Variants in EPHB1 observed in about 807,000 individuals in gnomAD.
EPHB1 encodes EPH receptor B1, also known as ephrin type-B receptor 1.
In EPHB1, 30 loss-of-function variants were observed where a neutral mutation model predicts 94.4. The observed-to-expected ratio is 0.32, with a 90% CI of 0.24 to 0.43. EPHB1 has a LOEUF of 0.43. Among genes scored for constraint, EPHB1 ranks in the 20% least tolerant of loss-of-function variants. The probability of loss-of-function intolerance (pLI) is 1.00; values close to 1 mark genes in which losing one functional copy is unlikely to be tolerated. For synonymous variants in EPHB1, 522 were observed against 489.1 expected, an observed-to-expected ratio of 1.07 and a Z score of -0.89; for missense variants, 1,055 against 1,308.3, an observed-to-expected ratio of 0.81 and a Z score of 2.99.
intron 3 of EPHB1, among the ~76,000 whole-genome samples, chr3:135,025,283 C>T (rs1201258810): frequency 7.6e-6 from 1 of 132,200 alleles, no homozygotes; most frequent in Admixed American, 8.3e-5. Context: ...CATACGTATA[C>T]ATGTGCCATG....
intron 5 of EPHB1, among the ~76,000 whole-genome samples, chr3:135,137,038 T>C (rs1310019995): frequency 6.6e-6 from 1 of 152,198 alleles, no homozygotes; most frequent in Non-Finnish European, 1.5e-5. Flanking sequence ...ATTAAGTGAA[T>C]GACAAACTTT....
At chr3:135,232,823 CAT>C (rs1943564408) in intron 12 of EPHB1, among the ~76,000 whole-genome samples, 1 of 152,104 alleles carries the variant, frequency 6.6e-6, no homozygotes, top group Non-Finnish European at 1.5e-5. Context: ...GGGAAGCAAA[CAT>C]GTCTTTCTTC....
At chr3:135,181,681 C>G (rs1009755161) in intron 10 of EPHB1, among the ~76,000 whole-genome samples, 1 of 152,110 alleles carries the variant, frequency 6.6e-6, no homozygotes, top group Non-Finnish European at 1.5e-5. Context: ...GCCCCACCCC[C>G]ACCTGCTTTT....
At chr3:134,813,751 A>AT in intron 1 of EPHB1, among the ~76,000 whole-genome samples, 1 of 152,198 alleles carries the variant, frequency 6.6e-6, no homozygotes, top group Non-Finnish European at 1.5e-5. Context: ...ACTGGGGATG[A>AT]TGTAGGCACT....
chr3:134,890,940 G>A (rs909685823), intron 1 of EPHB1, among the ~76,000 whole-genome samples: 1 of 152,024 alleles, frequency 6.6e-6, no homozygotes, highest in Non-Finnish European at 1.5e-5. Context: ...AAGACAGATT[G>A]CCAGTTAATT....
intron 1 of EPHB1, among the ~76,000 whole-genome samples, chr3:134,848,310 T>C (rs1231112471): frequency 6.6e-6 from 1 of 152,188 alleles, no homozygotes; most frequent in Non-Finnish European, 1.5e-5. Context: ...CCATGAAGCA[T>C]TGCTAAAAAA....
intron 3 of EPHB1, among the ~76,000 whole-genome samples, chr3:135,035,748 A>G (rs1257420087): frequency 1.3e-5 from 2 of 152,194 alleles, no homozygotes; most frequent in Non-Finnish European, 2.9e-5. Context: ...CACTGCACAT[A>G]TACTTGCATG....
Position 135,259,328 on chromosome 3 carries a change from A to AAT in EPHB1, c.*214_*215dup. The AAT allele has an allele frequency of 2.5e-6, 1 of 396,590 alleles. No individual in the cohort carries two copies. Among genetic ancestry groups the AAT allele is most frequent in the Non-Finnish European group, 4.5e-6 (1 of 220,766 alleles). The allele number at this position is 396,590 out of a possible 1,614,324, so 24.6% of individuals were successfully genotyped here. A position where few individuals can be genotyped will look rare whatever the true frequency, so the allele number is the denominator to read the frequency against. On this transcript the variant is annotated 3_prime_UTR_variant, in exon 16 of 16. Transcript: ENST00000398015. ...ATGTTTGAGATGCCGTGGGAAACCA[A>AAT]ATATATAATAATAAAAATATAAAAA...
In EPHB1 at chr3:135,248,656, T is replaced by G. The variant is rs1943986956; in HGVS notation, c.2690+147T>G. On this transcript the variant is annotated intron_variant, in intron 14 of 15. Transcript: ENST00000398015. ...CTTATGTTGAGGAGAGCAACATGCA[T>G]GAAGAAAGACAGGAGAACATTGCAA... The G allele has an allele frequency of 5.9e-6, 4 of 680,330 alleles. No individual in the cohort carries two copies. In the East Asian group the frequency reaches 1.1e-4, roughly 19 times the overall value. 42.1% of individuals were successfully genotyped at this position (680,330 alleles called of 1,614,324 possible). A position where few individuals can be genotyped will look rare whatever the true frequency, so the allele number is the denominator to read the frequency against.
chr3:134,850,954 T>G (rs1258363748), intron 1 of EPHB1, among the ~76,000 whole-genome samples: 1 of 152,234 alleles, frequency 6.6e-6, no homozygotes, highest in African/African-American at 2.4e-5. Flanking sequence ...GAAGGGAAAT[T>G]GCATCACAAT....
At chr3:134,845,201 G>T (rs916251166) in intron 1 of EPHB1, among the ~76,000 whole-genome samples, 1 of 152,200 alleles carries the variant, frequency 6.6e-6, no homozygotes, top group African/African-American at 2.4e-5. Flanking sequence ...CTCAATTCTT[G>T]GAGTAGTTGT....
intron 1 of EPHB1, among the ~76,000 whole-genome samples, chr3:134,811,928 C>T (rs2036187617): frequency 6.6e-6 from 1 of 152,148 alleles, no homozygotes; most frequent in African/African-American, 2.4e-5. Context: ...TAGGGAGATC[C>T]AGAAGGACCC....
chr3:135,208,511 G>A (rs1004892999), intron 12 of EPHB1, among the ~76,000 whole-genome samples: 3 of 152,082 alleles, frequency 2.0e-5, no homozygotes, highest in Admixed American at 1.3e-4. Context: ...CCATTAAGCA[G>A]ACTCAACCAG....
At chr3:134,918,478 T>G (rs2107698513) in intron 1 of EPHB1, among the ~76,000 whole-genome samples, 1 of 152,214 alleles carries the variant, frequency 6.6e-6, no homozygotes, top group East Asian at 1.9e-4. Context: ...AGTTACATTT[T>G]TATTTCTGAA....
chr3:135,100,431 T>C (rs911435587), intron 3 of EPHB1, among the ~76,000 whole-genome samples: 1 of 152,166 alleles, frequency 6.6e-6, no homozygotes, highest in African/African-American at 2.4e-5. Flanking sequence ...GTTAAAGGGC[T>C]CCAATAAAGA....
chr3:134,869,516 C>G (rs1409059978), intron 1 of EPHB1, among the ~76,000 whole-genome samples: 1 of 152,188 alleles, frequency 6.6e-6, no homozygotes, highest in Admixed American at 6.5e-5. Flanking sequence ...CTATGCTGAA[C>G]CACTCGCTGA....
intron 1 of EPHB1, among the ~76,000 whole-genome samples, chr3:134,817,810 C>T (rs1280279822): frequency 6.6e-6 from 1 of 152,218 alleles, no homozygotes; most frequent in Non-Finnish European, 1.5e-5. Context: ...GTGGACAGCT[C>T]CTGGCCCAAG....
intron 4 of EPHB1, among the ~76,000 whole-genome samples, chr3:135,115,763 G>A (rs1466170737): frequency 1.3e-5 from 2 of 152,082 alleles, no homozygotes; most frequent in Non-Finnish European, 2.9e-5. Context: ...CCCAGAATGA[G>A]GATATTGTTT....
chr3:134,941,257 A>C (rs1560307107), intron 2 of EPHB1, among the ~76,000 whole-genome samples: 1 of 150,728 alleles, frequency 6.6e-6, no homozygotes, highest in African/African-American at 2.4e-5. Flanking sequence ...CAAATCTCTC[A>C]CCTTCATTTT....
Sources: gnomAD v4.1 joint callset for allele counts (sites outside exome capture counted in the v4.1 genomes callset) on GRCh38, gnomAD v4.1.1 for gene constraint, MANE v1.5 for transcripts, NCBI Gene and HGNC (gene_info 2026-07-23, HGNC 2026-07-21) for gene names.